The following VWC2 variants were observed in gnomAD, a reference collection of about 807,000 sequenced individuals.
VWC2 encodes the protein brorin.
Under a neutral mutation model 29.8 loss-of-function variants are expected in VWC2, and 14 were observed. That is an observed-to-expected ratio of 0.47 (90% CI 0.31 to 0.74). The LOEUF (loss-of-function observed/expected upper bound fraction) is 0.74. Ranked by LOEUF, VWC2 falls within the 30% of genes least tolerant of loss-of-function variation. The pLI is 0.05. For missense variants in VWC2, 457 were observed against 459.8 expected (o/e 0.99, Z 0.05); for synonymous variants, 213 against 199.0 (o/e 1.07, Z -0.59).
At chr7:49,837,437 T>G (rs1039860624) in intron 3 of VWC2, among the ~76,000 whole-genome samples, 2 of 152,236 alleles carry the variant, frequency 1.3e-5, no homozygotes, top group Non-Finnish European at 2.9e-5. Flanking sequence ...CCAGAACATG[T>G]GAAGGACTTT....
chr7:49,802,844 T>A lies in VWC2; in HGVS notation c.826+4T>A. 7 of 1,614,192 alleles carry A rather than the reference T, an allele frequency of 4.3e-6. No homozygotes were observed. Among genetic ancestry groups the A allele is most frequent in the Non-Finnish European group, 5.9e-6 (7 of 1,180,022 alleles). ...TGCTGTCCCATCTGCAAAAATGGTA[T>A]GTGAGATCCCCGTTGGTGACGGGGT... On this transcript the variant is annotated splice_donor_region_variant and intron_variant, in intron 3 of 3. Coordinates refer to ENST00000340652, the MANE Select transcript of VWC2 (RefSeq NM_198570.5).
At chr7:49,830,683 G>A (rs982758016) in intron 3 of VWC2, among the ~76,000 whole-genome samples, 11 of 151,802 alleles carry the variant, frequency 7.2e-5, no homozygotes, top group South Asian at 6.3e-4. Flanking sequence ...CTCACCCCAC[G>A]ACAGGCCTCG....
At chr7:49,858,955 T>C (rs1790539121) in intron 3 of VWC2, among the ~76,000 whole-genome samples, 1 of 152,196 alleles carries the variant, frequency 6.6e-6, no homozygotes, top group African/African-American at 2.4e-5. Context: ...CCCCACAGAG[T>C]TTATCAGAAT....
At position 49,834,744 on chromosome 7, in the gene VWC2, C is replaced by T. The variant is rs570565261; in HGVS notation, c.826+31904C>T. Among the ~76,000 whole-genome samples the T allele has an allele frequency of 2.7e-4, 41 of 152,294 alleles. 1 individual carries two copies. Among genetic ancestry groups the T allele is most frequent in the South Asian group, 8.3e-4 (4 of 4,816 alleles). On this transcript the variant is annotated intron_variant, in intron 3 of 3. Coordinates refer to ENST00000340652, the MANE Select transcript of VWC2 (RefSeq NM_198570.5). ...CCAGAGTAATATCAGACAGGCAATG[C>T]CATGTGATTCTGGGGGTTTGGGACT...
At chr7:49,804,046 G>A (rs753314757) in intron 3 of VWC2, among the ~76,000 whole-genome samples, 1 of 152,070 alleles carries the variant, frequency 6.6e-6, no homozygotes, top group Non-Finnish European at 1.5e-5. Flanking sequence ...AAACAAAGAT[G>A]TCACAGAGTG....
intron 3 of VWC2, among the ~76,000 whole-genome samples, chr7:49,881,295 T>A (rs1791652830): frequency 6.6e-6 from 1 of 152,126 alleles, no homozygotes; most frequent in African/African-American, 2.4e-5. Context: ...ATCTTTAGAG[T>A]GCTGCTGGCC....
intron 3 of VWC2, among the ~76,000 whole-genome samples, chr7:49,892,952 C>T (rs557811872): frequency 1.5e-5 from 1 of 67,976 alleles, no homozygotes; most frequent in Non-Finnish European, 3.4e-5. Flanking sequence ...AATGAAGAAT[C>T]CTCACTTAAG....
chr7:49,912,424 A>G lies in VWC2; in HGVS notation c.*239A>G. The stretch of plus-strand genomic sequence containing the variant: ...CTCTAAATAAATGTGCTATTTTCAC[A>G]GTAAGTACACAAAAGTACACTATTA... On this transcript the variant is annotated 3_prime_UTR_variant, in exon 4 of 4. Transcript: ENST00000340652. 2.4e-6 allele frequency: 1 copy of G among 424,644 alleles called. No individual in the cohort carries two copies. Among genetic ancestry groups the G allele is most frequent in the Admixed American group, 3.7e-5 (1 of 26,842 alleles). The allele number at this position is 424,644 out of a possible 1,614,324, so 26.3% of individuals were successfully genotyped here.
At chr7:49,779,805 C>G (rs556772523) in intron 2 of VWC2, among the ~76,000 whole-genome samples, 2 of 152,258 alleles carry the variant, frequency 1.3e-5, no homozygotes, top group East Asian at 1.9e-4. Context: ...TGGTTTCTTC[C>G]GAGGCCTCTC....
chr7:49,882,509 A>G (rs942214762), intron 3 of VWC2, among the ~76,000 whole-genome samples: 9 of 152,166 alleles, frequency 5.9e-5, no homozygotes, highest in Non-Finnish European at 1.3e-4. Flanking sequence ...AAGGAGAGAC[A>G]GAGAAAAAGA....
chr7:49,843,593 A>G (rs957022996), intron 3 of VWC2, among the ~76,000 whole-genome samples: 13 of 152,208 alleles, frequency 8.5e-5, no homozygotes, highest in African/African-American at 3.1e-4. Context: ...TTAGTTTTGT[A>G]TGTACAGAAA....
chr7:49,904,967 C>G (rs1047689648), intron 3 of VWC2, among the ~76,000 whole-genome samples: 9 of 152,024 alleles, frequency 5.9e-5, no homozygotes, highest in Non-Finnish European at 1.2e-4. Context: ...AACTCCTGAC[C>G]TCATAATCTA....
intron 3 of VWC2, among the ~76,000 whole-genome samples, chr7:49,910,729 AATTG>A (rs1378740392): frequency 6.6e-6 from 1 of 152,328 alleles, no homozygotes; most frequent in South Asian, 2.1e-4. Flanking sequence ...GCTGATATAG[AATTG>A]ATTGAGAATT....
chr7:49,866,486 C>T (rs1790895377), intron 3 of VWC2, among the ~76,000 whole-genome samples: 1 of 152,182 alleles, frequency 6.6e-6, no homozygotes, highest in Non-Finnish European at 1.5e-5. Context: ...CAAGCCTCTG[C>T]TTGCATTACA....
intron 2 of VWC2, among the ~76,000 whole-genome samples, chr7:49,786,927 G>T (rs1788314092): frequency 1.3e-5 from 2 of 152,160 alleles, no homozygotes; most frequent in Admixed American, 1.3e-4. Flanking sequence ...TCTGTAGACT[G>T]TCTGTTTACT....
At chr7:49,831,583 C>T (rs1789528348) in intron 3 of VWC2, among the ~76,000 whole-genome samples, 1 of 152,128 alleles carries the variant, frequency 6.6e-6, no homozygotes, top group African/African-American at 2.4e-5. Flanking sequence ...ACTCCTCATA[C>T]CGAGGGCTAC....
chr7:49,909,538 C>A (rs1472910207), intron 3 of VWC2, among the ~76,000 whole-genome samples: 2 of 152,010 alleles, frequency 1.3e-5, no homozygotes, highest in African/African-American at 4.8e-5. Context: ...CTTTTGGGGC[C>A]ACTGGGTGGG....
chr7:49,830,815 A>T (rs1354802600), intron 3 of VWC2, among the ~76,000 whole-genome samples: 5 of 152,090 alleles, frequency 3.3e-5, no homozygotes, highest in Non-Finnish European at 7.4e-5. Context: ...GATGATTTCC[A>T]GCTTCATCCA....
intron 3 of VWC2, among the ~76,000 whole-genome samples, chr7:49,889,803 A>C (rs1792054840): frequency 6.6e-6 from 1 of 152,202 alleles, no homozygotes. Flanking sequence ...AAATAGTCCA[A>C]GTTGGTCTTT....
Sources: gnomAD v4.1 joint callset for allele counts (sites outside exome capture counted in the v4.1 genomes callset) on GRCh38, gnomAD v4.1.1 for gene constraint, MANE v1.5 for transcripts, NCBI Gene and HGNC (gene_info 2026-07-23, HGNC 2026-07-21) for gene names.